KCNJ6: variants seen among roughly 807,000 people sequenced by gnomAD.
The protein encoded by KCNJ6 is potassium inwardly rectifying channel subfamily J member 6, also known as G protein-activated inward rectifier potassium channel 2.
A neutral mutation model predicts 34.2 loss-of-function variants in KCNJ6; 9 were observed. The ratio of observed to expected loss-of-function variants is 0.26; its 90% confidence interval spans 0.16 to 0.46. The LOEUF (loss-of-function observed/expected upper bound fraction) is 0.46. Among genes scored for constraint, KCNJ6 ranks in the 20% least tolerant of loss-of-function variants. KCNJ6 has a pLI of 1.00. For missense variants in KCNJ6, 236 were observed against 531.3 expected, an observed-to-expected ratio of 0.44 and a Z score of 5.46; for synonymous variants, 196 against 207.1, an observed-to-expected ratio of 0.95 and a Z score of 0.46.
At chr21:37,676,051 G>A (rs2054563263) in intron 3 of KCNJ6, among the ~76,000 whole-genome samples, 1 of 152,254 alleles carries the variant, frequency 6.6e-6, no homozygotes, top group Non-Finnish European at 1.5e-5. Context: ...AACAGGGTCC[G>A]TGGGAGATTC....
intron 1 of KCNJ6, among the ~76,000 whole-genome samples, chr21:37,905,499 T>G (rs1415322377): frequency 6.6e-6 from 1 of 152,160 alleles, no homozygotes; most frequent in Non-Finnish European, 1.5e-5. Context: ...CACCAACCTA[T>G]AGGTGGGTTC....
intron 3 of KCNJ6, 143 bp from the exon 4 acceptor site, chr21:37,625,627 T>C: frequency 4.9e-6 from 3 of 617,340 alleles, no homozygotes; most frequent in Non-Finnish European, 5.7e-6. Flanking sequence ...GTGTCATTCA[T>C]GTTGTAGACA....
chr21:37,887,580 C>T (rs1013287350), intron 1 of KCNJ6, among the ~76,000 whole-genome samples: 88 of 152,058 alleles, frequency 5.8e-4, no homozygotes, highest in African/African-American at 2.0e-3. Context: ...GGAAATGTTA[C>T]GTGCTGTAAA....
chr21:37,668,962 C>T (rs1470127459), intron 3 of KCNJ6, among the ~76,000 whole-genome samples: 1 of 152,064 alleles, frequency 6.6e-6, no homozygotes, highest in Non-Finnish European at 1.5e-5. Context: ...AGGTATTTCC[C>T]CTTCCAGGCC....
At chr21:37,903,549 T>C (rs2055826820) in intron 1 of KCNJ6, among the ~76,000 whole-genome samples, 1 of 152,150 alleles carries the variant, frequency 6.6e-6, no homozygotes, top group South Asian at 2.1e-4. Context: ...ACAGAGTGAT[T>C]GGATCTGTTT....
intron 2 of KCNJ6, among the ~76,000 whole-genome samples, chr21:37,811,202 T>C (rs1037781990): frequency 6.6e-6 from 1 of 152,174 alleles, no homozygotes; most frequent in Admixed American, 6.5e-5. Context: ...TCCATGGGGA[T>C]AGGAACCCCT....
intron 2 of KCNJ6, among the ~76,000 whole-genome samples, chr21:37,805,342 C>T (rs2055288647): frequency 6.6e-6 from 1 of 151,306 alleles, no homozygotes; most frequent in Non-Finnish European, 1.5e-5. Context: ...CAAGGTGGTC[C>T]TGTCTTCTGC....
rs367587633 is a variant in KCNJ6, at chr21:37,625,212, G to C, written c.1219C>G (p.Gln407Glu). The change falls in exon 4 of 4, where the codon CAA (glutamine) becomes GAA (glutamate). Residue 407 changes from glutamine (Q) to glutamate (E), a missense_variant. By Grantham distance (29) the Gln-to-Glu change is conservative. Transcript: ENST00000609713. ...TEEEEKNLEEQTERNGDVANL... is the reference protein window; with the variant it reads ...TEEEEKNLEEETERNGDVANL... ...GCCACATCACCATTTCTTTCTGTTT[G>C]CTCTTCGAGGTTCTTTTCTTCCTCT... 6.2e-6 allele frequency: 10 copies of C among 1,614,194 alleles called. No individual in the cohort carries two copies. Among genetic ancestry groups the C allele is most frequent in the Non-Finnish European group, 8.5e-6 (10 of 1,180,030 alleles).
chr21:37,738,855 T>C (rs2054925997), intron 2 of KCNJ6, among the ~76,000 whole-genome samples: 1 of 152,240 alleles, frequency 6.6e-6, no homozygotes, highest in Admixed American at 6.5e-5. Flanking sequence ...CAATACTCCC[T>C]AATAACTTTT....
chr21:37,718,378 A>G (rs1417281100), intron 2 of KCNJ6, among the ~76,000 whole-genome samples: 2 of 152,238 alleles, frequency 1.3e-5, no homozygotes, highest in African/African-American at 4.8e-5. Context: ...GAAATATATG[A>G]CACCTATAAG....
At chr21:37,689,952 C>G (rs574292674) in intron 3 of KCNJ6, among the ~76,000 whole-genome samples, 1 of 151,962 alleles carries the variant, frequency 6.6e-6, no homozygotes, top group Non-Finnish European at 1.5e-5. Flanking sequence ...ATTAATGACC[C>G]CCACTCCTGC....
At chr21:37,820,408 T>G (rs767804696) in intron 2 of KCNJ6, among the ~76,000 whole-genome samples, 36 of 152,228 alleles carry the variant, frequency 2.4e-4, no homozygotes, top group Admixed American at 1.4e-3. Flanking sequence ...ATTCTGACAC[T>G]AACCACCTGG....
intron 1 of KCNJ6, among the ~76,000 whole-genome samples, chr21:37,850,660 C>T (rs1293567514): frequency 2.0e-5 from 3 of 152,188 alleles, no homozygotes; most frequent in South Asian, 2.1e-4. Flanking sequence ...AATAATCACC[C>T]GGCCCAGCAG....
chr21:37,641,577 T>C (rs932648270), intron 3 of KCNJ6, among the ~76,000 whole-genome samples: 3 of 152,146 alleles, frequency 2.0e-5, no homozygotes, highest in Admixed American at 6.5e-5. Context: ...GAAGGATGGA[T>C]AAGGCAACGT....
chr21:37,867,978 A>C (rs1000206870), intron 1 of KCNJ6, among the ~76,000 whole-genome samples: 1 of 152,244 alleles, frequency 6.6e-6, no homozygotes, highest in African/African-American at 2.4e-5. Flanking sequence ...AGGGCTGGGC[A>C]GCAGAAATCG....
At chr21:37,845,023 G>C (rs1367711487) in intron 1 of KCNJ6, among the ~76,000 whole-genome samples, 1 of 152,112 alleles carries the variant, frequency 6.6e-6, no homozygotes, top group Admixed American at 6.5e-5. Flanking sequence ...ACTGTTTCCT[G>C]GTGTGCTCAT....
At chr21:37,697,156 G>A (rs962859979) in intron 3 of KCNJ6, among the ~76,000 whole-genome samples, 7 of 152,210 alleles carry the variant, frequency 4.6e-5, no homozygotes, top group Non-Finnish European at 8.8e-5. Flanking sequence ...ACGATTGTTT[G>A]ACCACCGTGT....
intron 3 of KCNJ6, 115 bp from the exon 4 acceptor site, chr21:37,625,599 C>T (rs562066483): frequency 2.4e-5 from 16 of 669,942 alleles, no homozygotes; most frequent in South Asian, 3.8e-5. Context: ...GACCTGCATA[C>T]GATGCCACAC....
chr21:37,712,295 A>C (rs1305377532), intron 3 of KCNJ6, among the ~76,000 whole-genome samples: 2 of 152,134 alleles, frequency 1.3e-5, no homozygotes, highest in South Asian at 2.1e-4. Context: ...GAAAAACTGC[A>C]TCCTGAGTGG....
Sources: allele counts gnomAD v4.1 joint callset (sites outside exome capture counted in the v4.1 genomes callset), GRCh38; gene constraint gnomAD v4.1.1; transcripts MANE v1.5; gene names NCBI Gene and HGNC (gene_info 2026-07-23, HGNC 2026-07-21).